CDH18: variants seen among roughly 807,000 people sequenced by gnomAD.
CDH18 encodes the protein cadherin 18.
CDH18 carries 31 observed loss-of-function variants against 67.9 expected under a neutral mutation model. That is an observed-to-expected ratio of 0.46 (90% CI 0.34 to 0.62). The LOEUF (loss-of-function observed/expected upper bound fraction) is 0.62, where lower values mean the gene tolerates loss of function less well. Ranked by LOEUF, CDH18 falls within the 20% of genes least tolerant of loss-of-function variation. The probability of loss-of-function intolerance (pLI) is 0.01; values close to 1 mark genes in which losing one functional copy is unlikely to be tolerated. For missense variants in CDH18, 890 were observed against 975.5 expected, an observed-to-expected ratio of 0.91 and a Z score of 1.17; for synonymous variants, 362 against 347.2, an observed-to-expected ratio of 1.04 and a Z score of -0.48.
At chr5:20,045,772 G>C (rs1017911979) in intron 2 of CDH18, among the ~76,000 whole-genome samples, 1 of 151,866 alleles carries the variant, frequency 6.6e-6, no homozygotes, top group African/African-American at 2.4e-5. Context: ...CAACCACCTG[G>C]GAAAGAACAA....
At chr5:20,065,561 C>T (rs1015270717) in intron 2 of CDH18, among the ~76,000 whole-genome samples, 6 of 151,942 alleles carry the variant, frequency 3.9e-5, no homozygotes, top group African/African-American at 1.2e-4. Context: ...GTTGAAAATG[C>T]GTTTAATACA....
At chr5:20,537,009 G>T (rs949523747) in intron 1 of CDH18, among the ~76,000 whole-genome samples, 1 of 152,088 alleles carries the variant, frequency 6.6e-6, no homozygotes, top group Non-Finnish European at 1.5e-5. Flanking sequence ...GTGGGAGGGT[G>T]GACTTGTGTC....
chr5:19,887,228 G>A (rs543022256), intron 2 of CDH18, among the ~76,000 whole-genome samples: 143 of 150,964 alleles, frequency 9.5e-4, no homozygotes, highest in African/African-American at 3.4e-3. Context: ...TACCAAAAAC[G>A]TAACAGCGCA....
intron 2 of CDH18, among the ~76,000 whole-genome samples, chr5:19,931,166 C>A (rs1793650138): frequency 1.3e-5 from 2 of 151,880 alleles, no homozygotes; most frequent in African/African-American, 2.4e-5. Context: ...AATATCATAA[C>A]CCTTCATATT....
chr5:20,229,387 C>A (rs1741890337), intron 2 of CDH18, among the ~76,000 whole-genome samples: 1 of 152,166 alleles, frequency 6.6e-6, no homozygotes, highest in East Asian at 1.9e-4. Context: ...CAAAGCCCCA[C>A]AACTTTAAAA....
intron 3 of CDH18, among the ~76,000 whole-genome samples, chr5:19,755,427 G>GTATACATATATATA (rs1373982305): frequency 1.6e-3 from 72 of 44,668 alleles, no homozygotes; most frequent in African/African-American, 4.6e-3. Flanking sequence ...AACTAACAGG[G>GTATACATATATATA]TATGTATATA....
intron 7 of CDH18, among the ~76,000 whole-genome samples, chr5:19,582,911 A>T (rs1466677775): frequency 6.6e-6 from 1 of 151,996 alleles, no homozygotes; most frequent in African/African-American, 2.4e-5. Flanking sequence ...AAGACCAGAA[A>T]TATAGTATGT....
intron 3 of CDH18, among the ~76,000 whole-genome samples, chr5:19,793,266 T>A (rs1776546837): frequency 6.6e-6 from 1 of 152,174 alleles, no homozygotes; most frequent in African/African-American, 2.4e-5. Context: ...TTACCCACCT[T>A]AAGCCTAGAG....
chr5:19,577,389 A>G (rs1218179927), intron 7 of CDH18, among the ~76,000 whole-genome samples: 3 of 152,182 alleles, frequency 2.0e-5, no homozygotes, highest in African/African-American at 4.8e-5. Context: ...GGAATTTTCC[A>G]TGCTGGGTTT....
chr5:20,477,481 A>G (rs1752519661), intron 1 of CDH18, among the ~76,000 whole-genome samples: 1 of 152,220 alleles, frequency 6.6e-6, no homozygotes, highest in African/African-American at 2.4e-5. Flanking sequence ...TAGGAGAAAG[A>G]GCACAGTGAT....
At chr5:19,827,015 C>G (rs944047792) in intron 3 of CDH18, among the ~76,000 whole-genome samples, 1 of 151,842 alleles carries the variant, frequency 6.6e-6, no homozygotes, top group Middle Eastern at 3.2e-3. Flanking sequence ...CCCACAGGCT[C>G]AAAGTAAGGG....
chr5:19,810,836 A>G (rs1326504313), intron 3 of CDH18, among the ~76,000 whole-genome samples: 3 of 151,918 alleles, frequency 2.0e-5, no homozygotes. Context: ...TAGCCTGGCC[A>G]AACTGGTGAA....
intron 5 of CDH18, among the ~76,000 whole-genome samples, chr5:19,667,036 C>A (rs1341055325): frequency 6.6e-6 from 1 of 151,914 alleles, no homozygotes; most frequent in Admixed American, 6.6e-5. Flanking sequence ...GAAATAATCT[C>A]AATAAAGTTT....
chr5:19,545,757 C>T (rs1432324836), intron 8 of CDH18, among the ~76,000 whole-genome samples: 1 of 152,068 alleles, frequency 6.6e-6, no homozygotes, highest in Admixed American at 6.6e-5. Context: ...ATGATTATGC[C>T]TTAAATGCCC....
At chr5:20,057,745 T>C (rs1390932503) in intron 2 of CDH18, among the ~76,000 whole-genome samples, 7 of 152,002 alleles carry the variant, frequency 4.6e-5, no homozygotes, top group Non-Finnish European at 7.4e-5. Context: ...ACTTAACCAC[T>C]TTTTTTTCTA....
intron 2 of CDH18, among the ~76,000 whole-genome samples, chr5:19,957,134 A>T (rs1796330155): frequency 6.6e-6 from 1 of 152,004 alleles, no homozygotes; most frequent in East Asian, 1.9e-4. Context: ...AGAATTGAGC[A>T]TCTCTAATCT....
chr5:20,429,010 T>C (rs982903276), intron 1 of CDH18, among the ~76,000 whole-genome samples: 5 of 152,072 alleles, frequency 3.3e-5, no homozygotes, highest in Non-Finnish European at 7.4e-5. Context: ...TGCTATAAAA[T>C]ATTGATGTTG....
At chr5:20,155,879 G>A (rs1433602820) in intron 2 of CDH18, among the ~76,000 whole-genome samples, 1 of 152,022 alleles carries the variant, frequency 6.6e-6, no homozygotes, top group East Asian at 1.9e-4. Context: ...AGATCCGTTG[G>A]TTGTAGGTAT....
At chr5:20,333,516 A>C (rs555819227) in intron 1 of CDH18, among the ~76,000 whole-genome samples, 2 of 129,816 alleles carry the variant, frequency 1.5e-5, no homozygotes, top group African/African-American at 3.1e-5. Context: ...AAAAAAAAAA[A>C]AACAATATAT....
Sources: gnomAD v4.1 joint callset for allele counts (sites outside exome capture counted in the v4.1 genomes callset) on GRCh38, gnomAD v4.1.1 for gene constraint, MANE v1.5 for transcripts, NCBI Gene and HGNC (gene_info 2026-07-23, HGNC 2026-07-21) for gene names.